Variants in EXTL3 observed in about 807,000 individuals in gnomAD.
EXTL3 encodes the protein exostosin-like 3.
A neutral mutation model predicts 69.3 loss-of-function variants in EXTL3; 27 were observed. The observed-to-expected ratio is 0.39, with a 90% CI of 0.29 to 0.54. The LOEUF (loss-of-function observed/expected upper bound fraction) is 0.54. EXTL3 is among the 20% of genes least tolerant of loss of function. The pLI, the probability that EXTL3 is intolerant of heterozygous loss-of-function variation, is 0.69. For synonymous variants in EXTL3, 511 were observed against 499.4 expected, an observed-to-expected ratio of 1.02 and a Z score of -0.31; for missense variants, 1,003 against 1,231.8, an observed-to-expected ratio of 0.81 and a Z score of 2.78.
intron 2 of EXTL3, among the ~76,000 whole-genome samples, chr8:28,614,051 A>C (rs1433016453): frequency 6.6e-6 from 1 of 151,840 alleles, no homozygotes; most frequent in Non-Finnish European, 1.5e-5. Flanking sequence ...GGCTGGTCTC[A>C]AACTCCTGGC....
intron 1 of EXTL3, among the ~76,000 whole-genome samples, chr8:28,649,923 A>G (rs1806890653): frequency 6.6e-6 from 1 of 152,154 alleles, no homozygotes; most frequent in Admixed American, 6.6e-5. Context: ...AAGCCCGGGC[A>G]CGGTGGGTCA....
intron 1 of EXTL3, among the ~76,000 whole-genome samples, chr8:28,704,907 A>G (rs1022179553): frequency 6.6e-6 from 1 of 152,162 alleles, no homozygotes; most frequent in Admixed American, 6.5e-5. Context: ...CACCCACCTC[A>G]GCCTCCCAAA....
At chr8:28,630,525 A>G (rs534947310) in intron 1 of EXTL3, among the ~76,000 whole-genome samples, 2 of 152,366 alleles carry the variant, frequency 1.3e-5, no homozygotes, top group Admixed American at 1.3e-4. Flanking sequence ...AACAATGGCC[A>G]GCTTTGAAAC....
intron 1 of EXTL3, among the ~76,000 whole-genome samples, chr8:28,709,684 G>A (rs1002893668): frequency 3.9e-5 from 6 of 152,186 alleles, no homozygotes; most frequent in African/African-American, 1.4e-4. Flanking sequence ...CAGTGTTTTA[G>A]TTTTACAAGG....
At position 28,714,409 on chromosome 8, in the gene EXTL3, C is replaced by T. The variant is rs912449431; in HGVS notation, c.-476+859C>T. 9.7e-4 allele frequency among the ~76,000 whole-genome samples: 147 copies of T among 152,164 alleles called. 1 individual carries two copies. Among genetic ancestry groups the T allele is most frequent in the African/African-American group, 3.2e-3 (133 of 41,502 alleles). ...TATTACACCTTTAATAGTTAAACAT[C>T]TTTGACAGAGGTAGAAGCTAGAGAA... On this transcript the variant is annotated intron_variant, in intron 2 of 6. Transcript: ENST00000220562.
chr8:28,611,032 T>C (rs1563423889), intron 2 of EXTL3, among the ~76,000 whole-genome samples: 2 of 152,334 alleles, frequency 1.3e-5, no homozygotes, highest in African/African-American at 4.8e-5. Context: ...CGTCAGCCAC[T>C]GCACCCCCTA....
chr8:28,623,980 C>G lies in EXTL3; in HGVS notation c.-53+1170C>G, dbSNP rs537275880. Among the ~76,000 whole-genome samples, 12 of 152,194 alleles carry G rather than the reference C, an allele frequency of 7.9e-5. No homozygotes were observed. The highest frequency in any genetic ancestry group is 2.1e-4 in the South Asian group (1 of 4,824). ...AAATGCTAGCAATGAACTCACATTC[C>G]TTTTTTGCTAGACAGTCATACCTGT... is the stretch of plus-strand genomic sequence containing the variant. On this transcript the variant is annotated intron_variant, in intron 1 of 6. Coordinates refer to the EXTL3 transcript ENST00000523149. This position sits in a 1 kb window ranked among gnomAD's most constrained non-coding sequence, Gnocchi z 4.2.
chr8:28,721,180 G>C (rs1303557868), intron 3 of EXTL3, among the ~76,000 whole-genome samples: 1 of 152,154 alleles, frequency 6.6e-6, no homozygotes, highest in Non-Finnish European at 1.5e-5. Context: ...GTTTTAGTAG[G>C]TGGTTAGCTG....
chr8:28,738,959 A>AC (rs1179578594), intron 5 of EXTL3, among the ~76,000 whole-genome samples: 1 of 150,702 alleles, frequency 6.6e-6, no homozygotes, highest in African/African-American at 2.4e-5. Context: ...CTCACGGAAG[A>AC]CCCTCCCACC....
chr8:28,658,433 T>C (rs1023575500), intron 1 of EXTL3, among the ~76,000 whole-genome samples: 1 of 152,192 alleles, frequency 6.6e-6, no homozygotes, highest in Non-Finnish European at 1.5e-5. Flanking sequence ...TATTTGTGAA[T>C]ACTAAAGCAC....
chr8:28,668,062 A>C (rs538956676), intron 1 of EXTL3, among the ~76,000 whole-genome samples: 1 of 152,012 alleles, frequency 6.6e-6, no homozygotes, highest in African/African-American at 2.4e-5. Context: ...CAGGAGTTCA[A>C]GACCAGCCTG....
At chr8:28,660,647 A>G (rs1807093277) in intron 1 of EXTL3, among the ~76,000 whole-genome samples, 1 of 152,076 alleles carries the variant, frequency 6.6e-6, no homozygotes, top group Non-Finnish European at 1.5e-5. Flanking sequence ...ATCCTTCTCT[A>G]GAACTCTTTT....
chr8:28,734,879 C>G (rs1801612937), intron 4 of EXTL3, among the ~76,000 whole-genome samples: 1 of 152,212 alleles, frequency 6.6e-6, no homozygotes, highest in Non-Finnish European at 1.5e-5. Flanking sequence ...CTTGTAAGAG[C>G]AGATGCTCAG....
chr8:28,747,933 G>A (rs183790239), intron 6 of EXTL3, among the ~76,000 whole-genome samples: 165 of 152,218 alleles, frequency 1.1e-3, no homozygotes, highest in African/African-American at 3.9e-3. Flanking sequence ...GTCTTGCCAT[G>A]TTGGCCAGGC....
At chr8:28,660,753 A>G in intron 1 of EXTL3, among the ~76,000 whole-genome samples, 1 of 148,264 alleles carries the variant, frequency 6.7e-6, no homozygotes, top group Non-Finnish European at 1.5e-5. Flanking sequence ...TTTGATTCTC[A>G]CTATTCTGTG....
At chr8:28,688,256 G>A (rs1051262988) in intron 1 of EXTL3, among the ~76,000 whole-genome samples, 1 of 151,966 alleles carries the variant, frequency 6.6e-6, no homozygotes, top group African/African-American at 2.4e-5. Flanking sequence ...GTAGAGACGG[G>A]GTTTCACCAT....
intron 1 of EXTL3, among the ~76,000 whole-genome samples, chr8:28,641,504 TCTCA>T (rs1806741577): frequency 6.6e-6 from 1 of 152,216 alleles, no homozygotes; most frequent in South Asian, 2.1e-4. Context: ...TTAAACGGAG[TCTCA>T]CTCTTTCCTC....
chr8:28,643,012 G>A (rs1176514064), intron 1 of EXTL3, among the ~76,000 whole-genome samples: 1 of 152,116 alleles, frequency 6.6e-6, no homozygotes, highest in Non-Finnish European at 1.5e-5. Context: ...GGGAGACCGA[G>A]GCAGATGGAT....
At chr8:28,652,956 A>G (rs891545116) in intron 1 of EXTL3, among the ~76,000 whole-genome samples, 4 of 152,172 alleles carry the variant, frequency 2.6e-5, no homozygotes, top group African/African-American at 9.7e-5. Context: ...GCATAGGCTG[A>G]CCCACATTCA....
Sources: gnomAD v4.1 joint callset for allele counts (sites outside exome capture counted in the v4.1 genomes callset) on GRCh38, gnomAD v4.1.1 for gene constraint, Gnocchi (gnomAD v3.1) non-coding constraint, MANE v1.5 for transcripts, NCBI Gene and HGNC (gene_info 2026-07-23, HGNC 2026-07-21) for gene names.